CIZ1: variants seen among roughly 807,000 people sequenced by gnomAD.
The protein encoded by CIZ1 is CDKN1A interacting zinc finger protein 1.
A neutral mutation model predicts 118.6 loss-of-function variants in CIZ1; 58 were observed. That is an observed-to-expected ratio of 0.49 (90% CI 0.40 to 0.61). The LOEUF (loss-of-function observed/expected upper bound fraction) is 0.61, where lower values mean the gene tolerates loss of function less well. Among genes scored for constraint, CIZ1 ranks in the 20% least tolerant of loss-of-function variants. CIZ1 has a pLI of 0.00. For synonymous variants in CIZ1, 448 were observed against 443.4 expected (o/e 1.01, Z -0.13); for missense variants, 921 against 1,115.9 (o/e 0.83, Z 2.49).
chr9:128,186,568 C>T (rs10987912), intron 4 of CIZ1, among the ~76,000 whole-genome samples: 10 of 152,190 alleles, frequency 6.6e-5, no homozygotes, highest in Admixed American at 2.0e-4. Flanking sequence ...AGCGATCTTT[C>T]GCAAACCATA....
At chr9:128,183,638 C>T (rs111983579) in intron 5 of CIZ1, among the ~76,000 whole-genome samples, 2 of 152,240 alleles carry the variant, frequency 1.3e-5, no homozygotes, top group African/African-American at 4.8e-5. Flanking sequence ...AGGTAAACAC[C>T]TCTCAAACAC....
intron 5 of CIZ1, among the ~76,000 whole-genome samples, chr9:128,182,410 G>C (rs370367731): frequency 6.6e-6 from 1 of 152,148 alleles, no homozygotes; most frequent in Non-Finnish European, 1.5e-5. Context: ...CAAAGTGCTG[G>C]GATTACAGGC....
intron 5 of CIZ1, among the ~76,000 whole-genome samples, chr9:128,183,513 G>T (rs45625537): frequency 6.6e-6 from 1 of 152,338 alleles, no homozygotes; most frequent in East Asian, 1.9e-4. Context: ...CATTGCCCCT[G>T]CGCTGGAATA....
chr9:128,184,048 G>A (rs1284043935), intron 5 of CIZ1, among the ~76,000 whole-genome samples: 1 of 152,304 alleles, frequency 6.6e-6, no homozygotes, highest in East Asian at 1.9e-4. Context: ...GATTACAGGC[G>A]TGAGCCACTG....
chr9:128,169,261 T>G, intron 13 of CIZ1, 60 bp from the exon 14 acceptor site: 4 of 1,099,794 alleles, frequency 3.6e-6, no homozygotes, highest in Non-Finnish European at 3.9e-6. Flanking sequence ...GGCCATGCCC[T>G]ACCCACCCCA....
rs1220866521 is a variant in CIZ1 at position 128,203,359 on chromosome 9, G to C, written c.-6+827C>G. The C allele has an allele frequency of 2.8e-6, 3 of 1,061,296 alleles. No individual in the cohort carries two copies. Among genetic ancestry groups the C allele is most frequent in the East Asian group, 3.9e-5 (1 of 25,566 alleles). The allele number at this position is 1,061,296 out of a possible 1,614,324, so 65.7% of individuals were successfully genotyped here. Reference sequence around the variant, plus strand: ...GTGCTCGCTCCGATCCCCGAGGGGCGGGGGCCCCGCGGCGCAGGCAGTCTG... The same window carrying C: ...GTGCTCGCTCCGATCCCCGAGGGGCCGGGGCCCCGCGGCGCAGGCAGTCTG... On this transcript the variant is annotated intron_variant, in intron 1 of 17. Coordinates refer to the CIZ1 transcript ENST00000372948. The surrounding 1 kb of genome is among the most constrained non-coding windows in gnomAD (Gnocchi z 5.3).
chr9:128,173,231 G>C (rs933216241), intron 11 of CIZ1, among the ~76,000 whole-genome samples: 1 of 135,496 alleles, frequency 7.4e-6, no homozygotes, highest in Non-Finnish European at 1.5e-5. Flanking sequence ...TGCAAGCTCC[G>C]CCTCCTGGGT....
intron 11 of CIZ1, among the ~76,000 whole-genome samples, chr9:128,170,655 C>CA (rs1234558867): frequency 2.0e-5 from 3 of 151,236 alleles, no homozygotes; most frequent in Admixed American, 6.6e-5. Flanking sequence ...ACCCCCATCT[C>CA]AAAAAAAAGA....
intron 11 of CIZ1, among the ~76,000 whole-genome samples, chr9:128,173,571 C>A (rs1298690941): frequency 2.0e-5 from 3 of 152,276 alleles, no homozygotes; most frequent in East Asian, 3.9e-4. Context: ...AGCCACCATG[C>A]CAGCCTGGCT....
In CIZ1 at chr9:128,185,767, C is replaced by T. The variant is rs770956884; in HGVS notation, c.368G>A (p.Arg123Gln). ...GCCTGGGGATGCCATGCCATAGCCTCGGAGGTTACCTGCAGGCAAGAAGAC... is the reference window on the plus strand; with the variant it reads ...GCCTGGGGATGCCATGCCATAGCCTTGGAGGTTACCTGCAGGCAAGAAGAC... ...TMPTATLGNL[R>Q]GYGMASPGLA... Residue 123 changes from arginine to glutamine, a missense_variant, in exon 5 of 17, where the codon CGA (arginine) becomes CAA (glutamine). Transcript: ENST00000372938. The T allele has an allele frequency of 9.3e-6, 15 of 1,612,772 alleles. No individual in the cohort carries two copies. Among genetic ancestry groups the T allele is most frequent in the South Asian group, 4.4e-5 (4 of 91,046 alleles).
rs1829572799 is a variant in CIZ1, at chr9:128,167,432, G to A, written c.2296-268C>T. 4 of 471,204 alleles carry A rather than the reference G, an allele frequency of 8.5e-6. No individual in the cohort carries two copies. The Admixed American group carries it at 1.6e-4, about 19-fold the overall frequency. 29.2% of individuals were successfully genotyped at this position (471,204 alleles called of 1,614,324 possible). On this transcript the variant is annotated intron_variant, in intron 14 of 16. Coordinates refer to ENST00000372938, the MANE Select transcript of CIZ1 (RefSeq NM_001131016.2). ...CCTACAGGCGCCATAATCCACGCCA[G>A]GTGTGCCCAAGACATCATGTGTCAT...
chr9:128,180,268 A>G, intron 7 of CIZ1, 147 bp downstream of exon 7: 1 of 622,926 alleles, frequency 1.6e-6, no homozygotes. Context: ...GAAATAAGTA[A>G]GGCCTTCCTC....
At chr9:128,182,160 C>G (rs1472026768) in intron 5 of CIZ1, among the ~76,000 whole-genome samples, 1 of 152,176 alleles carries the variant, frequency 6.6e-6, no homozygotes, top group African/African-American at 2.4e-5. Flanking sequence ...TTACCCTGCC[C>G]CTTCTGCCTT....
upstream of CIZ1, among the ~76,000 whole-genome samples, chr9:128,195,152 A>T (rs79415442): frequency 0.034 from 5,125 of 152,230 alleles, 278 homozygotes; most frequent in African/African-American, 0.12. Context: ...TGTCTGGAAA[A>T]TAATCAACTT....
intron 5 of CIZ1, among the ~76,000 whole-genome samples, chr9:128,185,095 A>G (rs560199503): frequency 7.2e-5 from 11 of 152,156 alleles, no homozygotes; most frequent in Admixed American, 3.3e-4. Context: ...CCTGACCAAC[A>G]TGGAGAAACC....
intron 8 of CIZ1, 96 bp from the exon 9 acceptor site, chr9:128,178,586 G>A: frequency 6.3e-7 from 1 of 1,596,276 alleles, no homozygotes; most frequent in Non-Finnish European, 8.5e-7. Flanking sequence ...CAGCATGGAT[G>A]GCCCTGGACC....
intron 5 of CIZ1, among the ~76,000 whole-genome samples, chr9:128,181,272 C>T (rs1055234316): frequency 5.3e-5 from 8 of 152,166 alleles, no homozygotes; most frequent in African/African-American, 9.7e-5. Flanking sequence ...CACGCCACCA[C>T]GCCTGGCTAA....
chr9:128,171,604 G>GC (rs1830128438), intron 11 of CIZ1, among the ~76,000 whole-genome samples: 1 of 151,512 alleles, frequency 6.6e-6, no homozygotes, highest in African/African-American at 2.4e-5. Context: ...GGGTGTGGTG[G>GC]CACGCGCCTG....
At chr9:128,194,205 T>G (rs1395173969), upstream of CIZ1, among the ~76,000 whole-genome samples, 1 of 151,010 alleles carries the variant, frequency 6.6e-6, no homozygotes, top group Non-Finnish European at 1.5e-5. Flanking sequence ...CTACTAAAAA[T>G]ACAAAAATTA....
Sources: allele counts gnomAD v4.1 joint callset (sites outside exome capture counted in the v4.1 genomes callset), GRCh38; gene constraint gnomAD v4.1.1; non-coding constraint Gnocchi (gnomAD v3.1); transcripts MANE v1.5; gene names NCBI Gene and HGNC (gene_info 2026-07-23, HGNC 2026-07-21).